The following BAG2 variants were observed in gnomAD, a reference collection of about 807,000 sequenced individuals.
BAG2 encodes the protein BAG family molecular chaperone regulator 2.
In BAG2, 8 loss-of-function variants were observed where a neutral mutation model predicts 16.4. The observed-to-expected ratio is 0.49, with a 90% CI of 0.29 to 0.88. BAG2 has a LOEUF of 0.88. BAG2 is among the 40% of genes least tolerant of loss of function. BAG2 has a pLI of 0.09. For missense variants in BAG2, 218 were observed against 248.9 expected, an observed-to-expected ratio of 0.88 and a Z score of 0.84; for synonymous variants, 82 against 89.2, an observed-to-expected ratio of 0.92 and a Z score of 0.46.
intron 1 of BAG2, among the ~76,000 whole-genome samples, chr6:57,177,405 G>A (rs2127992418): frequency 6.6e-6 from 1 of 152,186 alleles, no homozygotes; most frequent in Admixed American, 6.5e-5. Flanking sequence ...GACAGAGTGA[G>A]ACTCCATCTC....
chr6:57,182,682 TACTCGTC>T (rs1443206916), intron 2 of BAG2, among the ~76,000 whole-genome samples: 1 of 152,184 alleles, frequency 6.6e-6, no homozygotes, highest in Non-Finnish European at 1.5e-5. Context: ...GATGGAGTTT[TACTCGTC>T]ACCCAGGCTG....
chr6:57,182,936 A>G (rs1223642994), intron 2 of BAG2, among the ~76,000 whole-genome samples: 1 of 152,160 alleles, frequency 6.6e-6, no homozygotes, highest in Non-Finnish European at 1.5e-5. Context: ...CAGGCATGTG[A>G]CATCTGCCTA....
chr6:57,185,485 A>G lies in BAG2; in HGVS notation c.*1295A>G, dbSNP rs958878885. 6.6e-6 allele frequency: 1 copy of G among 152,226 alleles called. No individual in the cohort carries two copies. Among genetic ancestry groups the G allele is most frequent in the Admixed American group, 6.5e-5 (1 of 15,274 alleles). The allele number at this position is 152,226 out of a possible 1,614,324, so 9.4% of individuals were successfully genotyped here. ...CCAAACTGACTTTATGTATGTATAT[A>G]TCTCTCAATGCAAGCAATATCAAAC... On this transcript the variant is annotated 3_prime_UTR_variant, in exon 3 of 3. Coordinates refer to ENST00000370693, the MANE Select transcript of BAG2 (RefSeq NM_004282.4).
chr6:57,177,503 AT>A (rs1764314355), intron 1 of BAG2, among the ~76,000 whole-genome samples: 1 of 152,120 alleles, frequency 6.6e-6, no homozygotes, highest in South Asian at 2.1e-4. Context: ...GAAAGCACAA[AT>A]TTTCATCATT....
Position 57,183,759 on chromosome 6 carries a change from A to T in BAG2, c.224-19A>T, listed in dbSNP as rs1008694282. On this transcript the variant is annotated intron_variant, in intron 2 of 2. Coordinates refer to ENST00000370693, the MANE Select transcript of BAG2 (RefSeq NM_004282.4). The stretch of plus-strand genomic sequence containing the variant: ...ATGTTTTTGACACAGATAAGTTTAC[A>T]TCTCATATTGATTTTTAGGAGAAAG... The T allele has an allele frequency of 4.6e-5, 71 of 1,531,584 alleles. No individual in the cohort carries two copies. The highest frequency in any genetic ancestry group is 5.9e-5 in the Non-Finnish European group (67 of 1,139,828). 94.9% of individuals were successfully genotyped at this position (1,531,584 alleles called of 1,614,324 possible).
intron 1 of BAG2, among the ~76,000 whole-genome samples, chr6:57,179,546 T>G (rs1397887415): frequency 6.6e-6 from 1 of 152,296 alleles, no homozygotes; most frequent in East Asian, 1.9e-4. Flanking sequence ...GTTCTTTCTG[T>G]GCACACTTAA....
rs1459848578 is a variant in BAG2, at chr6:57,185,791, A to G, written c.*1601A>G. ...ATAGTCATGTTTTCTTCAGGTTCTC[A>G]AGTATTGTCAGCATCCGTAAATCCC... is the stretch of plus-strand genomic sequence containing the variant. On this transcript the variant is annotated 3_prime_UTR_variant, in exon 3 of 3. Transcript: ENST00000370693. 2 of 152,144 alleles carry G rather than the reference A, an allele frequency of 1.3e-5. No homozygotes were observed. Among genetic ancestry groups the G allele is most frequent in the African/African-American group, 4.8e-5 (2 of 41,420 alleles). 9.4% of individuals were successfully genotyped at this position (152,144 alleles called of 1,614,324 possible).
At position 57,189,207 on chromosome 6, in the gene BAG2, A is replaced by C. The variant is rs1296200981; in HGVS notation, c.*5017A>C. 6.6e-6 allele frequency: 1 copy of C among 152,220 alleles called. No individual in the cohort carries two copies. Among genetic ancestry groups the C allele is most frequent in the Non-Finnish European group, 1.5e-5 (1 of 68,040 alleles). The allele number at this position is 152,220 out of a possible 1,614,324, so 9.4% of individuals were successfully genotyped here. ...ATTAAATCATTTTGTAAAAGAAATG[A>C]TTCTGTATGTGGGACTGACAGCTCT... On this transcript the variant is annotated 3_prime_UTR_variant, in exon 3 of 3. Coordinates refer to ENST00000370693, the MANE Select transcript of BAG2 (RefSeq NM_004282.4).
intron 1 of BAG2, among the ~76,000 whole-genome samples, chr6:57,180,879 C>T (rs571300925): frequency 6.6e-6 from 1 of 152,006 alleles, no homozygotes; most frequent in South Asian, 2.1e-4. Flanking sequence ...ATGTCTGTAA[C>T]CAACAAGAAT....
intron 1 of BAG2, among the ~76,000 whole-genome samples, chr6:57,175,590 G>A (rs1439669820): frequency 2.0e-5 from 3 of 152,196 alleles, no homozygotes; most frequent in Non-Finnish European, 4.4e-5. Context: ...CATTCAGTCT[G>A]TTAGAGTGAG....
At chr6:57,180,791 G>A (rs188590287) in intron 1 of BAG2, among the ~76,000 whole-genome samples, 59 of 151,324 alleles carry the variant, frequency 3.9e-4, no homozygotes, top group African/African-American at 9.2e-4. Flanking sequence ...AAAATTGATC[G>A]CATCAAAATA....
At chr6:57,178,448 G>A (rs1018077512) in intron 1 of BAG2, among the ~76,000 whole-genome samples, 3 of 152,082 alleles carry the variant, frequency 2.0e-5, no homozygotes, top group African/African-American at 7.2e-5. Flanking sequence ...GATGTACCAG[G>A]GCCAAAAGGA....
chr6:57,175,385 A>T (rs1233963696), intron 1 of BAG2, among the ~76,000 whole-genome samples: 1 of 152,110 alleles, frequency 6.6e-6, no homozygotes, highest in Non-Finnish European at 1.5e-5. Context: ...GTCTTACGTT[A>T]TAATGTTGGG....
chr6:57,183,481 A>G (rs534627875), intron 2 of BAG2, among the ~76,000 whole-genome samples: 46 of 152,314 alleles, frequency 3.0e-4, no homozygotes, highest in South Asian at 2.3e-3. Flanking sequence ...TACTGCTCAC[A>G]GTGTTAAGAC....
intron 1 of BAG2, chr6:57,173,543 T>C: frequency 1.0e-6 from 1 of 956,176 alleles, no homozygotes; most frequent in Non-Finnish European, 1.2e-6. Flanking sequence ...TTTCCCCTTT[T>C]CTTGCTTAAG....
At chr6:57,183,723 C>T (rs575325948) in intron 2 of BAG2, 55 bp from the exon 3 acceptor site, 6 of 1,424,292 alleles carry the variant, frequency 4.2e-6, no homozygotes, top group Non-Finnish European at 5.6e-6. Context: ...TAGTCACAAA[C>T]AAATGCCTTA....
At position 57,185,572 on chromosome 6, in the gene BAG2, A is replaced by T. The variant is rs998089968; in HGVS notation, c.*1382A>T. On this transcript the variant is annotated 3_prime_UTR_variant, in exon 3 of 3. Transcript: ENST00000370693. ...TATAAAAAGCAGTTACAATCTGAAG[A>T]CATTCATGTTACTTCCTTTGCCAGC... 6.6e-6 allele frequency: 1 copy of T among 152,224 alleles called. No individual in the cohort carries two copies. The highest frequency in any genetic ancestry group is 2.4e-5 in the African/African-American group (1 of 41,458). 9.4% of individuals were successfully genotyped at this position (152,224 alleles called of 1,614,324 possible). A position where few individuals can be genotyped will look rare whatever the true frequency, so the allele number is the denominator to read the frequency against.
At chr6:57,181,946 T>G in intron 1 of BAG2, 86 bp from the exon 2 acceptor site, 1 of 1,151,246 alleles carries the variant, frequency 8.7e-7, no homozygotes, top group Non-Finnish European at 1.2e-6. Context: ...TCTTTAAACT[T>G]GATTTGGGTT....
intron 1 of BAG2, among the ~76,000 whole-genome samples, chr6:57,175,619 A>G (rs1764259801): frequency 1.3e-5 from 2 of 152,160 alleles, no homozygotes; most frequent in Non-Finnish European, 2.9e-5. Context: ...CTTTTTGTCC[A>G]ATCACTTTTC....
Sources: gnomAD v4.1 joint callset for allele counts (sites outside exome capture counted in the v4.1 genomes callset) on GRCh38, gnomAD v4.1.1 for gene constraint, MANE v1.5 for transcripts, NCBI Gene and HGNC (gene_info 2026-07-23, HGNC 2026-07-21) for gene names.